SHPK: variants seen among roughly 807,000 people sequenced by gnomAD.
SHPK encodes sedoheptulokinase.
In SHPK, 51 loss-of-function variants were observed where a neutral mutation model predicts 46.3. The ratio of observed to expected loss-of-function variants is 1.10; its 90% CI spans 0.88 to 1.39. The LOEUF is 1.39. Ranked by LOEUF, SHPK falls within the 40% of genes most tolerant of loss-of-function variation. The pLI, the probability that SHPK is intolerant of heterozygous loss-of-function variation, is 0.00. For missense variants in SHPK, 668 were observed against 641.3 expected (o/e 1.04, Z -0.45); for synonymous variants, 290 against 273.9 (o/e 1.06, Z -0.58).
At chr17:3,631,502 T>C (rs2075471472) in intron 1 of SHPK, among the ~76,000 whole-genome samples, 1 of 145,970 alleles carries the variant, frequency 6.9e-6, no homozygotes, top group Non-Finnish European at 1.5e-5. Flanking sequence ...ATACACTATC[T>C]AATTTAATGC....
chr17:3,627,343 C>T (rs2075444329), intron 2 of SHPK, among the ~76,000 whole-genome samples: 1 of 152,122 alleles, frequency 6.6e-6, no homozygotes, highest in Non-Finnish European at 1.5e-5. Flanking sequence ...CACTCCGTCT[C>T]CTCCCCTCCA....
At chr17:3,613,910 G>A (rs1260139083) in intron 6 of SHPK, among the ~76,000 whole-genome samples, 2 of 152,090 alleles carry the variant, frequency 1.3e-5, no homozygotes, top group Non-Finnish European at 2.9e-5. Context: ...TCCTCTCTGG[G>A]AAATACTTGG....
chr17:3,621,221 C>A lies in SHPK; in HGVS notation c.823+16G>T, dbSNP rs1003534735. 1 of 1,587,502 alleles carries A rather than the reference C, an allele frequency of 6.3e-7. No homozygotes were observed. Among genetic ancestry groups the A allele is most frequent in the African/African-American group, 1.3e-5 (1 of 74,198 alleles). ...CGACAGTGTAAGTCTGAGGACAGAACAAAAGAAAAACTTACCTGCATCTGT... is the reference window on the plus strand; with the variant it reads ...CGACAGTGTAAGTCTGAGGACAGAAAAAAAGAAAAACTTACCTGCATCTGT... On this transcript the variant is annotated intron_variant, in intron 5 of 6. Coordinates refer to ENST00000225519, the MANE Select transcript of SHPK (RefSeq NM_013276.4).
intron 6 of SHPK, among the ~76,000 whole-genome samples, chr17:3,614,906 C>T (rs2075363050): frequency 6.6e-6 from 1 of 151,890 alleles, no homozygotes; most frequent in Non-Finnish European, 1.5e-5. Context: ...TTCCTATGGC[C>T]AGGCTTCTCA....
chr17:3,620,299 C>T (rs1036700031), intron 5 of SHPK, among the ~76,000 whole-genome samples: 8 of 151,562 alleles, frequency 5.3e-5, no homozygotes, highest in East Asian at 1.9e-4. Context: ...CTTGCTCTGT[C>T]GCCCAGGCCG....
Position 3,636,097 on chromosome 17 carries a change from A to G in SHPK, c.123T>C (p.Ala41=). 1 of 1,603,400 alleles carries G rather than the reference A, an allele frequency of 6.2e-7. No individual in the cohort carries two copies. Among genetic ancestry groups the G allele is most frequent in the Non-Finnish European group, 8.5e-7 (1 of 1,175,680 alleles). ...TCTCGACCGCCGCCTCTGCCCGCGC[A>G]GCACGGGCACAGCTCGCCAGCACTG... is the stretch of plus-strand genomic sequence containing the variant. ...GFAVLASCAR[A]ARAEAAVESA... is the part of the protein sequence containing the mutation. Residue 41 remains alanine, a synonymous_variant, in exon 1 of 7, where the codon GCT becomes GCC. Transcript: ENST00000225519.
intron 5 of SHPK, among the ~76,000 whole-genome samples, chr17:3,617,335 G>GGACATATGAACTCCAA (rs1335604948): frequency 6.6e-6 from 1 of 152,070 alleles, no homozygotes; most frequent in Non-Finnish European, 1.5e-5. Flanking sequence ...AAGCCCTCTT[G>GGACATATGAACTCCAA]GACATATGAA....
rs202169435 is a variant in SHPK, at chr17:3,623,365, C to G, written c.621G>C (p.Thr207=). Reference sequence around the variant, plus strand: ...TCTCTACGTTCCAGCTTTGGCTCTGCGTGTTGAAATAGCCCCAGCTGGCAG... The same window carrying G: ...TCTCTACGTTCCAGCTTTGGCTCTGGGTGTTGAAATAGCCCCAGCTGGCAG... The part of the protein sequence containing the change: ...QNAASWGYFN[T]QSQSWNVETL... The change falls in exon 4 of 7, where the codon ACG becomes ACC. Residue 207 remains threonine (T), a synonymous_variant. Coordinates refer to ENST00000225519, the MANE Select transcript of SHPK (RefSeq NM_013276.4). The G allele has an allele frequency of 2.5e-6, 4 of 1,614,186 alleles. No individual in the cohort carries two copies. The highest frequency in any genetic ancestry group is 3.3e-5 in the Admixed American group (2 of 60,028).
chr17:3,623,407 C>A lies in SHPK; in HGVS notation c.579G>T (p.Leu193=). Residue 193 remains leucine, a synonymous_variant, in exon 4 of 7, where the codon CTG becomes CTT. Transcript: ENST00000225519. The part of the protein sequence containing the change: ...VAMLCGLPRP[L]MSDQNAASWG... ...AGCTGGCAGCATTCTGGTCGGACAT[C>A]AGAGGTCTTGGCAAGCCACACAGCA... 6.2e-7 allele frequency: 1 copy of A among 1,614,210 alleles called. No homozygotes were observed. The highest frequency in any genetic ancestry group is 1.1e-5 in the South Asian group (1 of 91,088).
chr17:3,624,838 A>G (rs1883046144), intron 2 of SHPK, among the ~76,000 whole-genome samples: 1 of 152,142 alleles, frequency 6.6e-6, no homozygotes, highest in Admixed American at 6.6e-5. Context: ...GACTTTCAGT[A>G]GAGACAGGGT....
At chr17:3,625,910 A>T (rs567483899) in intron 2 of SHPK, among the ~76,000 whole-genome samples, 1 of 152,186 alleles carries the variant, frequency 6.6e-6, no homozygotes, top group Admixed American at 6.5e-5. Flanking sequence ...AAAATTAGCC[A>T]GGTGTGGTAG....
At chr17:3,615,130 A>G (rs1241980664) in intron 6 of SHPK, among the ~76,000 whole-genome samples, 1 of 152,142 alleles carries the variant, frequency 6.6e-6, no homozygotes. Flanking sequence ...CCCAAAGAAA[A>G]GAGTAGGTGA....
intron 6 of SHPK, among the ~76,000 whole-genome samples, chr17:3,611,799 T>G (rs796961376): frequency 4.7e-3 from 44 of 9,448 alleles, no homozygotes; most frequent in African/African-American, 0.04. Context: ...GCTCTGCGGG[T>G]TTTTTTTTTT....
At chr17:3,619,745 AAAAT>A in intron 5 of SHPK, 1 of 388,210 alleles carries the variant, frequency 2.6e-6, no homozygotes, top group Non-Finnish European at 4.9e-6. Context: ...AAAAAAAAAA[AAAAT>A]TTGGAAGAAG....
intron 1 of SHPK, among the ~76,000 whole-genome samples, chr17:3,632,519 GGAA>G (rs2075478984): frequency 6.6e-6 from 1 of 152,140 alleles, no homozygotes; most frequent in Non-Finnish European, 1.5e-5. Flanking sequence ...GGGAGACACG[GGAA>G]GAAGTAAGCA....
In SHPK at chr17:3,615,340, GATCTGCC is replaced by G; in HGVS notation, c.1014_1020del (p.Met338IlefsTer2). On this transcript the variant is annotated frameshift_variant, in exon 6 of 7. Coordinates refer to ENST00000225519, the MANE Select transcript of SHPK (RefSeq NM_013276.4). LOFTEE classifies it high-confidence loss of function. ...CGCTGTGTGGGCCACACCTTACCTA[GATCTGCC>G]ATCCACTGAACCAGCATGTGGACGA... 1 of 1,614,090 alleles carries G rather than the reference GATCTGCC, an allele frequency of 6.2e-7. No individual in the cohort carries two copies. Among genetic ancestry groups the G allele is most frequent in the Non-Finnish European group, 8.5e-7 (1 of 1,179,924 alleles).
intron 1 of SHPK, among the ~76,000 whole-genome samples, chr17:3,634,439 G>C (rs1319854930): frequency 6.6e-6 from 1 of 151,758 alleles, no homozygotes; most frequent in Non-Finnish European, 1.5e-5. Flanking sequence ...AAGCATGGTG[G>C]CGCACACCTG....
Position 3,610,432 on chromosome 17 carries a change from G to A in SHPK, c.*128C>T. 1 of 975,604 alleles carries A rather than the reference G, an allele frequency of 1.0e-6. No homozygotes were observed. Among genetic ancestry groups the A allele is most frequent in the Non-Finnish European group, 1.5e-6 (1 of 657,350 alleles). The allele number at this position is 975,604 out of a possible 1,614,324, so 60.4% of individuals were successfully genotyped here. Reference sequence around the variant, plus strand: ...GAAGGTAAGTTCTTGGCCGAGATGGGACCTCACAACAAGCACTGCTTGAAA... The same window carrying A: ...GAAGGTAAGTTCTTGGCCGAGATGGAACCTCACAACAAGCACTGCTTGAAA... On this transcript the variant is annotated 3_prime_UTR_variant, in exon 7 of 7. Coordinates refer to ENST00000225519, the MANE Select transcript of SHPK (RefSeq NM_013276.4).
At chr17:3,611,837 T>C (rs1160683608) in intron 6 of SHPK, among the ~76,000 whole-genome samples, 7 of 130,568 alleles carry the variant, frequency 5.4e-5, no homozygotes, top group Non-Finnish European at 1.1e-4. Flanking sequence ...GCTCGCTGTG[T>C]CACCCAGGCT....
Sources: gnomAD v4.1 joint callset for allele counts (sites outside exome capture counted in the v4.1 genomes callset) on GRCh38, gnomAD v4.1.1 for gene constraint, MANE v1.5 for transcripts, NCBI Gene and HGNC (gene_info 2026-07-23, HGNC 2026-07-21) for gene names.